Variants in PHACTR3 observed in about 807,000 individuals in gnomAD.
PHACTR3 encodes the protein phosphatase and actin regulator 3, also known as protein phosphatase 1, regulatory subunit 123.
PHACTR3 carries 16 observed loss-of-function variants against 66.8 expected under a neutral mutation model. That is an observed-to-expected ratio of 0.24 (90% CI 0.16 to 0.36). The LOEUF (loss-of-function observed/expected upper bound fraction) is 0.36, where lower values mean the gene tolerates loss of function less well. PHACTR3 is among the 10% of genes least tolerant of loss of function. The pLI is 1.00. For synonymous variants in PHACTR3, 323 were observed against 292.1 expected (o/e 1.11, Z -1.08); for missense variants, 647 against 719.9 (o/e 0.90, Z 1.16).
At chr20:59,744,864 A>C (rs2039309578) in intron 2 of PHACTR3, among the ~76,000 whole-genome samples, 1 of 152,178 alleles carries the variant, frequency 6.6e-6, no homozygotes, top group African/African-American at 2.4e-5. Flanking sequence ...GGAAGCCACC[A>C]AGTGAACCAG....
At chr20:59,826,914 C>T (rs996322694) in intron 8 of PHACTR3, among the ~76,000 whole-genome samples, 1 of 152,180 alleles carries the variant, frequency 6.6e-6, no homozygotes, top group Admixed American at 6.5e-5. Context: ...CAGGTAGATG[C>T]GAGTTTGGTC....
intron 1 of PHACTR3, chr20:59,577,713 C>A: frequency 1.1e-6 from 1 of 882,592 alleles, no homozygotes; most frequent in Non-Finnish European, 1.4e-6. Context: ...GAATCCCTTG[C>A]CCTTGGCCGT....
At position 59,841,428 on chromosome 20, in the gene PHACTR3, G is replaced by C. The variant is rs1273244782; in HGVS notation, c.1480G>C (p.Asp494His). ...NQRPTVDELR[D>H]RKILIRFSDY... Reference sequence around the variant, plus strand: ...GAGACCCACTGTTGATGAATTAAGAGACAGAAAAATTCTGATACGATTCAG... The same window carrying C: ...GAGACCCACTGTTGATGAATTAAGACACAGAAAAATTCTGATACGATTCAG... The change falls in exon 11 of 13, where the codon GAC becomes CAC. Residue 494 changes from aspartate (D) to histidine (H), a missense_variant. Physicochemically the swap from Asp to His is moderately conservative, Grantham distance 81. Transcript: ENST00000371015. The C allele has an allele frequency of 1.2e-6, 2 of 1,613,416 alleles. No individual in the cohort carries two copies. Among genetic ancestry groups the C allele is most frequent in the East Asian group, 4.5e-5 (2 of 44,892 alleles).
chr20:59,582,081 TA>T (rs2032878602), intron 1 of PHACTR3, among the ~76,000 whole-genome samples: 1 of 152,162 alleles, frequency 6.6e-6, no homozygotes, highest in Non-Finnish European at 1.5e-5. Flanking sequence ...ACATTGCAAA[TA>T]AGGCTCAAAT....
upstream of PHACTR3, among the ~76,000 whole-genome samples, chr20:59,602,686 C>T (rs1032292273): frequency 3.9e-5 from 6 of 152,178 alleles, no homozygotes; most frequent in African/African-American, 9.6e-5. Context: ...TCTGCACCTG[C>T]CGTGGCTGGG....
At chr20:59,759,309 G>A (rs1367682713) in intron 4 of PHACTR3, among the ~76,000 whole-genome samples, 4 of 152,142 alleles carry the variant, frequency 2.6e-5, no homozygotes, top group East Asian at 1.9e-4. Context: ...CTATAAACGG[G>A]GTATAACTTA....
chr20:59,671,796 T>C (rs1419196919), intron 1 of PHACTR3, among the ~76,000 whole-genome samples: 1 of 152,244 alleles, frequency 6.6e-6, no homozygotes, highest in Non-Finnish European at 1.5e-5. Flanking sequence ...GGCTGCTGCC[T>C]GCTCCAGGCA....
intron 2 of PHACTR3, among the ~76,000 whole-genome samples, chr20:59,745,939 A>G (rs1257418240): frequency 2.0e-5 from 3 of 152,202 alleles, no homozygotes; most frequent in Non-Finnish European, 4.4e-5. Flanking sequence ...GAGGCTAGCC[A>G]CCATGAGCAC....
intron 4 of PHACTR3, among the ~76,000 whole-genome samples, chr20:59,759,030 G>A (rs1179901295): frequency 2.0e-5 from 3 of 152,092 alleles, no homozygotes; most frequent in Non-Finnish European, 4.4e-5. Flanking sequence ...GTCATCTGTT[G>A]TCTTCATTGT....
At chr20:59,831,368 T>C (rs2042370412) in intron 8 of PHACTR3, among the ~76,000 whole-genome samples, 1 of 152,154 alleles carries the variant, frequency 6.6e-6, no homozygotes, top group Non-Finnish European at 1.5e-5. Context: ...AGGGACCAGG[T>C]AGGGAGACCG....
At chr20:59,629,522 G>A (rs896849916) in intron 1 of PHACTR3, among the ~76,000 whole-genome samples, 10 of 152,210 alleles carry the variant, frequency 6.6e-5, no homozygotes, top group Admixed American at 3.9e-4. Flanking sequence ...CCTTCTGAGG[G>A]CTGTGAGGGC....
intron 1 of PHACTR3, among the ~76,000 whole-genome samples, chr20:59,639,075 GGATGGATGGATGGAT>G: frequency 8.0e-6 from 1 of 124,346 alleles, no homozygotes; most frequent in Non-Finnish European, 1.6e-5. Flanking sequence ...ATGGATGGAT[GGATGGATGGATGGAT>G]GGATGGATGG....
In PHACTR3 at chr20:59,829,595, T is replaced by A. The variant is rs1389601627; in HGVS notation, c.1329-6910T>A. The stretch of plus-strand genomic sequence containing the variant: ...ATCAATGCGTCGTGTGAATGGTGTG[T>A]GGAGACGCTGCCTCGCTGGGGAATC... On this transcript the variant is annotated intron_variant, in intron 8 of 12. Transcript: ENST00000371015. The surrounding 1 kb of genome is among the most constrained non-coding windows in gnomAD (Gnocchi z 4.2). Among the ~76,000 whole-genome samples, 4 of 152,226 alleles carry A rather than the reference T, an allele frequency of 2.6e-5. No individual in the cohort carries two copies. The South Asian group carries it at 8.3e-4, about 31-fold the overall frequency.
intron 1 of PHACTR3, among the ~76,000 whole-genome samples, chr20:59,711,714 C>T (rs909248297): frequency 8.5e-5 from 13 of 152,152 alleles, no homozygotes; most frequent in African/African-American, 2.7e-4. Flanking sequence ...TTATCAAATA[C>T]TGTTTACCCC....
chr20:59,786,384 T>C (rs1450341736), intron 7 of PHACTR3, among the ~76,000 whole-genome samples: 1 of 152,204 alleles, frequency 6.6e-6, no homozygotes, highest in African/African-American at 2.4e-5. Context: ...GATGTGAGAT[T>C]GCCTACTCCA....
At chr20:59,602,953 C>T (rs565450983), upstream of PHACTR3, among the ~76,000 whole-genome samples, 1 of 152,320 alleles carries the variant, frequency 6.6e-6, no homozygotes, top group South Asian at 2.1e-4. Context: ...CAAGAGTGCT[C>T]ACCTCTTGAA....
chr20:59,717,750 AGGT>A (rs2038146334), intron 1 of PHACTR3, among the ~76,000 whole-genome samples: 1 of 152,246 alleles, frequency 6.6e-6, no homozygotes. Context: ...TGCTATATAA[AGGT>A]GTGGTTTTTT....
intron 7 of PHACTR3, among the ~76,000 whole-genome samples, chr20:59,783,563 G>A (rs1000937065): frequency 6.7e-6 from 1 of 148,706 alleles, no homozygotes; most frequent in African/African-American, 2.4e-5. Flanking sequence ...CGCTTTTTTT[G>A]TTTGTTTGTT....
chr20:59,596,726 T>G (rs1372860682), intron 1 of PHACTR3, among the ~76,000 whole-genome samples: 1 of 152,230 alleles, frequency 6.6e-6, no homozygotes, highest in Non-Finnish European at 1.5e-5. Context: ...TTCCTCTGTG[T>G]CCTTCCAAGC....
Sources: gnomAD v4.1 joint callset for allele counts (sites outside exome capture counted in the v4.1 genomes callset) on GRCh38, gnomAD v4.1.1 for gene constraint, Gnocchi (gnomAD v3.1) non-coding constraint, MANE v1.5 for transcripts, NCBI Gene and HGNC (gene_info 2026-07-23, HGNC 2026-07-21) for gene names.